Variants in DST observed in about 807,000 individuals in gnomAD.
DST encodes bullous pemphigoid antigen.
DST carries 253 observed loss-of-function variants against 875.2 expected under a neutral mutation model. That is an observed-to-expected ratio of 0.29 (90% CI 0.26 to 0.32). The LOEUF is 0.32. Ranked by LOEUF, DST falls within the 10% of genes least tolerant of loss-of-function variation. The probability of loss-of-function intolerance (pLI) is 1.00; values close to 1 mark genes in which losing one functional copy is unlikely to be tolerated. For missense variants in DST, 8,287 were observed against 9,111.6 expected (o/e 0.91, Z 3.68); for synonymous variants, 3,124 against 3,197.1 (o/e 0.98, Z 0.77).
chr6:56,814,136 CTA>C (rs958080483), intron 4 of DST, among the ~76,000 whole-genome samples: 13 of 152,020 alleles, frequency 8.6e-5, no homozygotes, highest in Non-Finnish European at 1.6e-4. Flanking sequence ...ATAGACAAAA[CTA>C]CACATTATTA....
At chr6:56,473,643 G>C (rs948101860) in intron 93 of DST, among the ~76,000 whole-genome samples, 2 of 152,108 alleles carry the variant, frequency 1.3e-5, no homozygotes, top group African/African-American at 4.8e-5. Flanking sequence ...TAATATGAAA[G>C]ATACACTTCA....
rs759558306 is a variant in DST, at chr6:56,527,728, T to C, written c.17687A>G (p.Glu5896Gly). ...LELLKQTTGD[E>G]VLIIQDKLEA... ...CAATTTATCTTGAATTATTAAAACTTCATCACCTAAAATTTCAAAGTCACG... is the reference window on the plus strand; with the variant it reads ...CAATTTATCTTGAATTATTAAAACTCCATCACCTAAAATTTCAAAGTCACG... The change falls in exon 68 of 104, where the codon GAA (glutamate) becomes GGA (glycine). Residue 5896 changes from glutamate (E) to glycine (G), a missense_variant. Glu to Gly is a moderately conservative substitution (Grantham distance 98). This residue lies in a region of DST where 777 missense variants were observed against 764.8 expected (regional missense o/e 1.02). Transcript: ENST00000680361. 1.1e-5 allele frequency: 17 copies of C among 1,594,406 alleles called. No individual in the cohort carries two copies.
chr6:56,653,043 A>G (rs2098985069), intron 10 of DST, among the ~76,000 whole-genome samples: 1 of 152,256 alleles, frequency 6.6e-6, no homozygotes, highest in Admixed American at 6.5e-5. Context: ...GAAATAAAAA[A>G]CAGACTTTGT....
At chr6:56,843,668 C>T in intron 4 of DST, 1 of 983,302 alleles carries the variant, frequency 1.0e-6, no homozygotes, top group Non-Finnish European at 1.2e-6. Flanking sequence ...GGCCGCCGCG[C>T]CGCAGACACT....
chr6:56,703,657 C>T lies in DST; in HGVS notation c.867G>A (p.Glu289=). Residue 289 remains glutamate, a synonymous_variant, in exon 7 of 104, where the codon GAG becomes GAA. Coordinates refer to ENST00000680361, the MANE Select transcript of DST (RefSeq NM_001374736.1). ...TGGGGGCGACACCTACCCCCTTATC[C>T]TCATCCTCCACATCCTCATGCTGTT... is the stretch of plus-strand genomic sequence containing the variant. The part of the protein sequence containing the change: ...EYEQHEDVED[E]DKGPREKGRM... 1 of 984,552 alleles carries T rather than the reference C, an allele frequency of 1.0e-6. No homozygotes were observed. Among genetic ancestry groups the T allele is most frequent in the Non-Finnish European group, 1.2e-6 (1 of 829,190 alleles). The allele number at this position is 984,552 out of a possible 1,614,324, so 61.0% of individuals were successfully genotyped here.
At chr6:56,742,401 G>C (rs2152939310) in intron 4 of DST, 1 of 1,264,042 alleles carries the variant, frequency 7.9e-7, no homozygotes, top group Non-Finnish European at 1.0e-6. Flanking sequence ...TGATGTGTCA[G>C]AGTCCTGTTA....
intron 54 of DST, among the ~76,000 whole-genome samples, chr6:56,569,344 A>AC (rs1554381300): frequency 6.7e-6 from 1 of 149,126 alleles, no homozygotes; most frequent in African/African-American, 2.6e-5. Context: ...AAAAAACAAA[A>AC]ACACACACAC....
In DST at chr6:56,608,322, A is replaced by C; in HGVS notation, c.6306T>G (p.Asn2102Lys). The change falls in exon 40 of 104, where the codon AAT becomes AAG. Residue 2102 changes from asparagine to lysine, a missense_variant. This residue lies in a region of DST where 3,138 missense variants were observed against 3,116.6 expected (regional missense o/e 1.01). Transcript: ENST00000680361. ...AAAGAGCAGCTATTTTTTGTCTGCC[A>C]TTCAGGATTTTGTAGGCCAATTCAT... ...ITNELAYKIL[N>K]GRQKIAALYI... 1 of 1,613,090 alleles carries C rather than the reference A, an allele frequency of 6.2e-7. No homozygotes were observed. Among genetic ancestry groups the C allele is most frequent in the Non-Finnish European group, 8.5e-7 (1 of 1,179,794 alleles).
intron 5 of DST, among the ~76,000 whole-genome samples, chr6:56,712,318 A>G (rs1003624121): frequency 6.6e-6 from 1 of 152,152 alleles, no homozygotes; most frequent in Non-Finnish European, 1.5e-5. Context: ...AGCATAAGGA[A>G]AAGAGGAGAA....
intron 2 of DST, among the ~76,000 whole-genome samples, chr6:56,901,669 GTA>G (rs557787403): frequency 1.3e-5 from 2 of 151,512 alleles, no homozygotes; most frequent in Non-Finnish European, 2.9e-5. Flanking sequence ...TTCTGTGTGT[GTA>G]TATATATATA....
At chr6:56,778,168 T>C (rs531163995) in intron 4 of DST, among the ~76,000 whole-genome samples, 2 of 152,170 alleles carry the variant, frequency 1.3e-5, no homozygotes, top group East Asian at 1.9e-4. Flanking sequence ...GTCAGTAGTA[T>C]AAATGAAATC....
At chr6:56,609,993 G>C (rs145782135) in intron 39 of DST, among the ~76,000 whole-genome samples, 1 of 152,146 alleles carries the variant, frequency 6.6e-6, no homozygotes, top group Non-Finnish European at 1.5e-5. Flanking sequence ...AGATGCTAGG[G>C]CATCCTCACT....
intron 9 of DST, among the ~76,000 whole-genome samples, chr6:56,676,254 G>T (rs1281171313): frequency 6.6e-6 from 1 of 152,186 alleles, no homozygotes; most frequent in Non-Finnish European, 1.5e-5. Flanking sequence ...TTTTAGTAAA[G>T]ACGGGGTTTT....
intron 2 of DST, among the ~76,000 whole-genome samples, chr6:56,926,219 C>T (rs1807017521): frequency 6.6e-6 from 1 of 152,054 alleles, no homozygotes; most frequent in South Asian, 2.1e-4. Flanking sequence ...ACCCATTTGC[C>T]ACTCATCTTT....
At chr6:56,466,055 T>TATCATGATAAC in intron 99 of DST, 23 bp downstream of exon 99, 12 of 1,526,274 alleles carry the variant, frequency 7.9e-6, no homozygotes, top group Non-Finnish European at 1.1e-5. Context: ...TTCATGATGT[T>TATCATGATAAC]ATCATGATAA....
rs772842302 is a variant in DST, at chr6:56,851,381, C to T, written c.625+16G>A. 4 of 1,610,008 alleles carry T rather than the reference C, an allele frequency of 2.5e-6. No homozygotes were observed. Among genetic ancestry groups the T allele is most frequent in the Non-Finnish European group, 3.4e-6 (4 of 1,178,424 alleles). On this transcript the variant is annotated intron_variant, in intron 4 of 103. Coordinates refer to ENST00000680361, the MANE Select transcript of DST (RefSeq NM_001374736.1). ...CTCTCTTCCCCCACTCCATCCCCTT[C>T]CCCAGATGCTCTTACCTGCTATCCG... is the stretch of plus-strand genomic sequence containing the variant.
Position 56,529,498 on chromosome 6 carries a change from C to T in DST, c.17545G>A (p.Val5849Ile). ...AGCCCCTCAGTGCTGTAATCCTGGA[C>T]TGAGAGCTTGCTCAGTTTGTCATGC... ...EVHDKLSKLS[V>I]QDYSTEGLWK... The change falls in exon 66 of 104, where the codon GTC (valine) becomes ATC (isoleucine). Residue 5849 changes from valine (V) to isoleucine (I), a missense_variant. Physicochemically the swap from Val to Ile is conservative, Grantham distance 29 (BLOSUM62 3). This residue lies in a region of DST where 777 missense variants were observed against 764.8 expected (regional missense o/e 1.02). Transcript: ENST00000680361. 1 of 1,608,000 alleles carries T rather than the reference C, an allele frequency of 6.2e-7. No homozygotes were observed. Among genetic ancestry groups the T allele is most frequent in the South Asian group, 1.1e-5 (1 of 89,426 alleles).
intron 32 of DST, 121 bp downstream of exon 32, chr6:56,629,129 G>A: frequency 1.1e-6 from 1 of 924,840 alleles, no homozygotes; most frequent in Non-Finnish European, 1.7e-6. Flanking sequence ...CTAAGTAGAG[G>A]TATTGTAATT....
At chr6:56,511,831 AAG>A (rs147190506) in intron 72 of DST, among the ~76,000 whole-genome samples, 3 of 151,188 alleles carry the variant, frequency 2.0e-5, no homozygotes, top group Admixed American at 6.6e-5. Context: ...AAGAAAGAAA[AAG>A]AGAGAGAGAG....
Sources: gnomAD v4.1 joint callset for allele counts (sites outside exome capture counted in the v4.1 genomes callset) on GRCh38, gnomAD v4.1.1 for gene constraint, gnomAD v4.1.1 regional missense constraint, MANE v1.5 for transcripts, NCBI Gene and HGNC (gene_info 2026-07-23, HGNC 2026-07-21) for gene names.